Variants in FAM83B observed in about 807,000 individuals in gnomAD.
The protein encoded by FAM83B is scaffolding CK1 anchoring protein B, also known as protein FAM83B.
Under a neutral mutation model 38.8 loss-of-function variants are expected in FAM83B, and 26 were observed. The observed-to-expected ratio is 0.67, with a 90% CI of 0.49 to 0.93. FAM83B has a LOEUF of 0.93. FAM83B is among the 40% of genes least tolerant of loss of function. The pLI is 0.00. For synonymous variants in FAM83B, 419 were observed against 423.1 expected (o/e 0.99, Z 0.12); for missense variants, 1,237 against 1,197.3 (o/e 1.03, Z -0.49).
At chr6:54,872,193 G>A (rs1414506446) in intron 2 of FAM83B, among the ~76,000 whole-genome samples, 1 of 152,096 alleles carries the variant, frequency 6.6e-6, no homozygotes, top group Non-Finnish European at 1.5e-5. Context: ...TTAAAAATTA[G>A]CTATAGAATC....
chr6:54,848,595 T>G (rs374564084), intron 1 of FAM83B, among the ~76,000 whole-genome samples: 108 of 152,302 alleles, frequency 7.1e-4, no homozygotes, highest in African/African-American at 2.4e-3. Context: ...TCTATTTTAT[T>G]TCCTCTACCG....
intron 1 of FAM83B, among the ~76,000 whole-genome samples, chr6:54,865,257 C>A (rs1470842196): frequency 6.6e-6 from 1 of 152,124 alleles, no homozygotes; most frequent in Non-Finnish European, 1.5e-5. Context: ...CTGTTCCATG[C>A]ATTTCTCTTA....
chr6:54,903,561 TTA>T (rs1371967982), intron 2 of FAM83B, among the ~76,000 whole-genome samples: 3 of 152,214 alleles, frequency 2.0e-5, no homozygotes, highest in Non-Finnish European at 4.4e-5. Context: ...GTGCATCTTT[TTA>T]TATGTTTCTT....
chr6:54,931,930 TTTGA>T (rs1561929357), intron 4 of FAM83B, among the ~76,000 whole-genome samples: 1 of 152,034 alleles, frequency 6.6e-6, no homozygotes, highest in African/African-American at 2.4e-5. Flanking sequence ...ACATACATGC[TTTGA>T]TTATCATCTC....
intron 1 of FAM83B, among the ~76,000 whole-genome samples, chr6:54,860,888 C>A (rs1316174218): frequency 6.6e-6 from 1 of 152,204 alleles, no homozygotes; most frequent in Non-Finnish European, 1.5e-5. Flanking sequence ...TACATGTTCA[C>A]AGCATGTTAA....
Position 54,940,853 on chromosome 6 carries a change from A to T in FAM83B, c.1882A>T (p.Thr628Ser), listed in dbSNP as rs1403014226. The T allele has an allele frequency of 6.2e-7, 1 of 1,614,032 alleles. No individual in the cohort carries two copies. Residue 628 changes from threonine (T) to serine (S), a missense_variant, in exon 5 of 5, where the codon ACA becomes TCA. Coordinates refer to ENST00000306858, the MANE Select transcript of FAM83B (RefSeq NM_001010872.3). The part of the protein sequence containing the change: ...ENHSVALNQT[T>S]NGHTESNNYI... Reference sequence around the variant, plus strand: ...CCACTCAGTAGCCTTAAACCAAACTACAAATGGCCATACTGAATCAAATAA... The same window carrying T: ...CCACTCAGTAGCCTTAAACCAAACTTCAAATGGCCATACTGAATCAAATAA...
intron 2 of FAM83B, among the ~76,000 whole-genome samples, chr6:54,905,436 G>A (rs975562955): frequency 6.6e-6 from 1 of 152,138 alleles, no homozygotes; most frequent in East Asian, 1.9e-4. Context: ...TGTATACATT[G>A]TGCAGTAAAT....
intron 2 of FAM83B, among the ~76,000 whole-genome samples, chr6:54,894,685 A>G (rs1503147): frequency 0.35 from 53,946 of 152,054 alleles, 10,681 homozygotes; most frequent in East Asian, 0.83. Context: ...CCTGCTACTT[A>G]AGTTTTTTTG....
At chr6:54,868,906 G>A (rs1743692070) in intron 1 of FAM83B, among the ~76,000 whole-genome samples, 1 of 152,172 alleles carries the variant, frequency 6.6e-6, no homozygotes, top group East Asian at 1.9e-4. Flanking sequence ...CACTAAGATG[G>A]TAAATGGAGG....
chr6:54,924,302 CA>C (rs1273866957), intron 2 of FAM83B, among the ~76,000 whole-genome samples: 1 of 151,926 alleles, frequency 6.6e-6, no homozygotes, highest in African/African-American at 2.4e-5. Flanking sequence ...ATGATGATTA[CA>C]CACAATTTTA....
chr6:54,852,665 T>C (rs140623046), intron 1 of FAM83B, among the ~76,000 whole-genome samples: 2 of 152,356 alleles, frequency 1.3e-5, no homozygotes, highest in East Asian at 1.9e-4. Context: ...AAAGCTGAGA[T>C]AGGCTAAAAG....
At chr6:54,939,111 A>G (rs1241362985) in intron 4 of FAM83B, among the ~76,000 whole-genome samples, 1 of 152,054 alleles carries the variant, frequency 6.6e-6, no homozygotes, top group East Asian at 1.9e-4. Flanking sequence ...CATTTGTTGA[A>G]TAGGGTGTCC....
chr6:54,849,819 G>T (rs1771230423), intron 1 of FAM83B, among the ~76,000 whole-genome samples: 1 of 151,750 alleles, frequency 6.6e-6, no homozygotes, highest in Admixed American at 6.6e-5. Context: ...TAGATTACTG[G>T]TCCATGGGAA....
intron 4 of FAM83B, among the ~76,000 whole-genome samples, chr6:54,932,877 C>T (rs1426402989): frequency 6.6e-6 from 1 of 152,100 alleles, no homozygotes; most frequent in Non-Finnish European, 1.5e-5. Flanking sequence ...TCTTTTGATG[C>T]TTTCAAGACT....
chr6:54,886,303 A>AT (rs35913544), intron 2 of FAM83B, among the ~76,000 whole-genome samples: 3,173 of 151,264 alleles, frequency 0.021, 43 homozygotes, highest in Middle Eastern at 0.066. Flanking sequence ...CCACATAATG[A>AT]TTTTTTTTTG....
chr6:54,914,263 A>G (rs945929098), intron 2 of FAM83B, among the ~76,000 whole-genome samples: 2 of 152,188 alleles, frequency 1.3e-5, no homozygotes, highest in Admixed American at 6.5e-5. Context: ...TATGTGTTGT[A>G]TAACATTGCT....
intron 1 of FAM83B, among the ~76,000 whole-genome samples, chr6:54,861,559 A>G (rs908433441): frequency 5.9e-5 from 9 of 152,196 alleles, no homozygotes; most frequent in Non-Finnish European, 1.3e-4. Context: ...CAAACAAACA[A>G]AAAAGAAGTG....
In FAM83B at chr6:54,870,205, T is replaced by A; in HGVS notation, c.-42T>A. ...ATACCAGATACTTCTCACCACTGCA[T>A]GAATGGACATTTGAAAGTGCCATAG... On this transcript the variant is annotated 5_prime_UTR_variant, in exon 2 of 5. An upstream start codon of the reference 5' UTR is lost. Transcript: ENST00000306858. 1 of 1,488,350 alleles carries A rather than the reference T, an allele frequency of 6.7e-7. No individual in the cohort carries two copies. The highest frequency in any genetic ancestry group is 1.2e-5 in the South Asian group (1 of 86,336). 92.2% of individuals were successfully genotyped at this position (1,488,350 alleles called of 1,614,324 possible). A position where few individuals can be genotyped will look rare whatever the true frequency, so the allele number is the denominator to read the frequency against.
In FAM83B at chr6:54,870,566, G is replaced by C. The variant is rs751339090; in HGVS notation, c.320G>C (p.Gly107Ala). ...SDVEAPNLDL[G>A]WPYVMPGLLG... ...GTGGAAGCTCCAAATCTTGACTTAG[G>C]CTGGCCATATGTGATGCCCGGACTC... The change falls in exon 2 of 5, where the codon GGC becomes GCC. Residue 107 changes from glycine (G) to alanine (A), a missense_variant. Gly to Ala is a moderately conservative substitution (Grantham distance 60). Coordinates refer to ENST00000306858, the MANE Select transcript of FAM83B (RefSeq NM_001010872.3). The C allele has an allele frequency of 1.2e-6, 2 of 1,613,976 alleles. No homozygotes were observed. Among genetic ancestry groups the C allele is most frequent in the African/African-American group, 1.3e-5 (1 of 75,002 alleles).
Sources: allele counts gnomAD v4.1 joint callset (sites outside exome capture counted in the v4.1 genomes callset), GRCh38; gene constraint gnomAD v4.1.1; transcripts MANE v1.5; gene names NCBI Gene and HGNC (gene_info 2026-07-23, HGNC 2026-07-21).